Variants in TMEM65 observed in about 807,000 individuals in gnomAD.
TMEM65 encodes transmembrane protein 65.
A neutral mutation model predicts 25.4 loss-of-function variants in TMEM65; 22 were observed. That is an observed-to-expected ratio of 0.86 (90% CI 0.62 to 1.23). The LOEUF (loss-of-function observed/expected upper bound fraction) is 1.23, where lower values mean the gene tolerates loss of function less well. TMEM65 is among the 50% of genes most tolerant of loss of function. The pLI is 0.00. For synonymous variants in TMEM65, 132 were observed against 126.2 expected (o/e 1.05, Z -0.31); for missense variants, 262 against 308.2 (o/e 0.85, Z 1.12).
chr8:124,313,345 C>T lies in TMEM65; in HGVS notation c.*615G>A, dbSNP rs1268089907. 1 of 151,928 alleles carries T rather than the reference C, an allele frequency of 6.6e-6. No homozygotes were observed. Among genetic ancestry groups the T allele is most frequent in the African/African-American group, 2.4e-5 (1 of 41,406 alleles). 9.4% of individuals were successfully genotyped at this position (151,928 alleles called of 1,614,324 possible). A position where few individuals can be genotyped will look rare whatever the true frequency, so the allele number is the denominator to read the frequency against. ...ACATAATTGCTCTTTGTGATTAACC[C>T]TCTGGCCCTTAAAATAGTAAAGTCA... On this transcript the variant is annotated 3_prime_UTR_variant, in exon 7 of 7. Coordinates refer to ENST00000297632, the MANE Select transcript of TMEM65 (RefSeq NM_194291.3).
chr8:124,332,868 C>T (rs749003694), intron 1 of TMEM65, among the ~76,000 whole-genome samples: 12 of 151,964 alleles, frequency 7.9e-5, no homozygotes, highest in Non-Finnish European at 1.2e-4. Flanking sequence ...TGCAGTGGCG[C>T]GATCTCGGCT....
In TMEM65 at chr8:124,320,159, C is replaced by G; in HGVS notation, c.548G>C (p.Arg183Thr). The G allele has an allele frequency of 6.2e-7, 1 of 1,613,272 alleles. No individual in the cohort carries two copies. The change falls in exon 6 of 7, where the codon AGG becomes ACG. Residue 183 changes from arginine to threonine, a missense_variant. Transcript: ENST00000297632. ...GAGATCAGGAATTGACAGGCCTAAC[C>G]TGGAAGCCAATGCTTCAACGTAGCC... ...LAGYVEALAS[R>T]LGLSIPDLTP...
At chr8:124,318,243 C>T (rs189414488) in intron 6 of TMEM65, among the ~76,000 whole-genome samples, 25 of 151,772 alleles carry the variant, frequency 1.6e-4, no homozygotes, top group East Asian at 9.7e-4. Context: ...TAGACAGGAA[C>T]GAAGTCCTAG....
intron 6 of TMEM65, among the ~76,000 whole-genome samples, chr8:124,314,806 C>G (rs1206529014): frequency 1.3e-5 from 2 of 151,804 alleles, no homozygotes; most frequent in Admixed American, 6.6e-5. Context: ...ACTACAGACA[C>G]ATGCCACTAT....
At chr8:124,322,230 A>C in intron 4 of TMEM65, 83 bp from the exon 5 acceptor site, 1 of 1,036,694 alleles carries the variant, frequency 9.6e-7, no homozygotes, top group South Asian at 1.6e-5. Flanking sequence ...CTGATCTTGG[A>C]AGAGTTCTCA....
intron 6 of TMEM65, among the ~76,000 whole-genome samples, chr8:124,316,678 GC>G (rs1814241690): frequency 6.6e-6 from 1 of 152,084 alleles, no homozygotes; most frequent in Non-Finnish European, 1.5e-5. Context: ...AAATGAACCT[GC>G]TTTTAATACA....
At chr8:124,339,222 A>AAAATAT (rs1563594368) in intron 1 of TMEM65, among the ~76,000 whole-genome samples, 3 of 19,902 alleles carry the variant, frequency 1.5e-4, no homozygotes, top group Admixed American at 9.1e-4. Context: ...AAAAAAAAAA[A>AAAATAT]ATATATATAT....
intron 1 of TMEM65, among the ~76,000 whole-genome samples, chr8:124,335,708 T>A (rs1814497965): frequency 6.6e-6 from 1 of 152,012 alleles, no homozygotes; most frequent in Non-Finnish European, 1.5e-5. Context: ...CTAGAGTAAC[T>A]ACACATACAG....
At chr8:124,319,316 C>T (rs1814277464) in intron 6 of TMEM65, among the ~76,000 whole-genome samples, 2 of 152,008 alleles carry the variant, frequency 1.3e-5, no homozygotes, top group African/African-American at 4.8e-5. Flanking sequence ...TTATTGATGG[C>T]ATCATGATCC....
At chr8:124,352,898 G>A (rs765988665) in intron 1 of TMEM65, among the ~76,000 whole-genome samples, 7 of 152,068 alleles carry the variant, frequency 4.6e-5, no homozygotes, top group Non-Finnish European at 7.4e-5. Flanking sequence ...AGGCCAAGGC[G>A]GGCAGATCAC....
At chr8:124,365,978 T>C (rs1359089708) in intron 1 of TMEM65, among the ~76,000 whole-genome samples, 1 of 152,158 alleles carries the variant, frequency 6.6e-6, no homozygotes, top group Non-Finnish European at 1.5e-5. Context: ...CTCAGCACTT[T>C]GGGAGGCCGA....
intron 1 of TMEM65, among the ~76,000 whole-genome samples, chr8:124,348,913 G>C (rs1814673831): frequency 6.6e-6 from 1 of 152,132 alleles, no homozygotes. Context: ...ACTGGGAAAT[G>C]CTACCACCAG....
chr8:124,359,944 A>G (rs1434180228), intron 1 of TMEM65, among the ~76,000 whole-genome samples: 1 of 152,104 alleles, frequency 6.6e-6, no homozygotes, highest in Non-Finnish European at 1.5e-5. Flanking sequence ...TATCATATTG[A>G]GTCTAGGCGC....
At chr8:124,317,367 A>T (rs975355136) in intron 6 of TMEM65, among the ~76,000 whole-genome samples, 1 of 152,176 alleles carries the variant, frequency 6.6e-6, no homozygotes, top group East Asian at 1.9e-4. Flanking sequence ...AACAAAAAAA[A>T]ATTTTCAGAA....
At chr8:124,365,177 G>C (rs1814921086) in intron 1 of TMEM65, among the ~76,000 whole-genome samples, 1 of 152,054 alleles carries the variant, frequency 6.6e-6, no homozygotes, top group Admixed American at 6.6e-5. Flanking sequence ...GGCAATAAAT[G>C]ACTATTAAGG....
intron 1 of TMEM65, among the ~76,000 whole-genome samples, chr8:124,355,926 G>A (rs1814774372): frequency 6.6e-6 from 1 of 152,240 alleles, no homozygotes; most frequent in South Asian, 2.1e-4. Context: ...TAAACTGGGG[G>A]AGTCCACACC....
intron 6 of TMEM65, among the ~76,000 whole-genome samples, chr8:124,317,272 T>C (rs1486228725): frequency 2.6e-5 from 4 of 152,170 alleles, no homozygotes; most frequent in African/African-American, 9.6e-5. Flanking sequence ...TTTCAATTCA[T>C]TGTCATTTGA....
At chr8:124,322,278 CAT>C (rs780200718) in intron 4 of TMEM65, 131 bp from the exon 5 acceptor site, 19 of 594,108 alleles carry the variant, frequency 3.2e-5, no homozygotes, top group Non-Finnish European at 5.1e-5. Context: ...CAAAGTAACT[CAT>C]TGGACAGCTC....
chr8:124,328,056 C>T (rs906158662), intron 2 of TMEM65, among the ~76,000 whole-genome samples: 1 of 152,088 alleles, frequency 6.6e-6, no homozygotes, highest in Non-Finnish European at 1.5e-5. Context: ...ACTATCACTT[C>T]ACCTCTTGCT....
Sources: allele counts gnomAD v4.1 joint callset (sites outside exome capture counted in the v4.1 genomes callset), GRCh38; gene constraint gnomAD v4.1.1; transcripts MANE v1.5; gene names NCBI Gene and HGNC (gene_info 2026-07-23, HGNC 2026-07-21).